NOC2L: variants seen among roughly 807,000 people sequenced by gnomAD.
The protein encoded by NOC2L is nucleolar complex protein 2 homolog.
A neutral mutation model predicts 94.2 loss-of-function variants in NOC2L; 101 were observed. The observed-to-expected ratio is 1.07, with a 90% CI of 0.91 to 1.26. The LOEUF is 1.26. Ranked by LOEUF, NOC2L falls within the 50% of genes most tolerant of loss-of-function variation. The pLI is 0.00. For synonymous variants in NOC2L, 531 were observed against 413.4 expected (o/e 1.28, Z -3.45); for missense variants, 1,076 against 980.1 (o/e 1.10, Z -1.31).
chr1:944,843 G>T, intron 18 of NOC2L, 43 bp from the exon 19 acceptor site: 1 of 1,412,530 alleles, frequency 7.1e-7, no homozygotes, highest in South Asian at 1.2e-5. Context: ...GCTTTATCAG[G>T]AAGAAGCCAG....
At position 956,024 on chromosome 1, in the gene NOC2L, A is replaced by AT. The variant is rs1392772464; in HGVS notation, c.608-12_608-11insA. Reference sequence around the variant, plus strand: ...CCAGAGCATTGAATGCTGCAACGAAAAGGCCTGGATGTACTCACGGGACAG... The same window carrying AT: ...CCAGAGCATTGAATGCTGCAACGAAATAGGCCTGGATGTACTCACGGGACAG... On this transcript the variant is annotated splice_polypyrimidine_tract_variant and intron_variant, in intron 5 of 18. Transcript: ENST00000327044. 1 of 1,614,024 alleles carries AT rather than the reference A, an allele frequency of 6.2e-7. No individual in the cohort carries two copies. The highest frequency in any genetic ancestry group is 8.5e-7 in the Non-Finnish European group (1 of 1,180,002).
intron 8 of NOC2L, 37 bp downstream of exon 8, chr1:953,745 C>T (rs756716567): frequency 3.3e-6 from 5 of 1,502,844 alleles, no homozygotes; most frequent in Admixed American, 3.4e-5. Context: ...GCCCCCCGAC[C>T]CCATGACAGA....
chr1:955,449 T>C (rs1326006674), intron 6 of NOC2L, among the ~76,000 whole-genome samples: 2 of 152,194 alleles, frequency 1.3e-5, no homozygotes, highest in Admixed American at 6.5e-5. Context: ...TCTGAAAACC[T>C]TCCACGGCCT....
At chr1:955,814 G>C in intron 6 of NOC2L, 109 bp downstream of exon 6, 1 of 951,602 alleles carries the variant, frequency 1.1e-6, no homozygotes, top group Non-Finnish European at 1.6e-6. Flanking sequence ...CCAAGAAGAC[G>C]CTGGCTCTGT....
intron 12 of NOC2L, among the ~76,000 whole-genome samples, chr1:950,310 C>A (rs1158518211): frequency 6.6e-6 from 1 of 151,756 alleles, no homozygotes; most frequent in African/African-American, 2.4e-5. Flanking sequence ...TACATAGATG[C>A]ACGCAGACAC....
intron 16 of NOC2L, 116 bp from the exon 17 acceptor site, chr1:945,769 C>G (rs572451088): frequency 7.9e-7 from 1 of 1,271,832 alleles, no homozygotes; most frequent in African/African-American, 1.5e-5. Context: ...TTTCTAGTCC[C>G]CTCTGTTCCC....
rs746155010 is a variant in NOC2L at position 945,639 on chromosome 1, G to A, written c.1932C>T (p.Asn644=). 28 of 1,614,072 alleles carry A rather than the reference G, an allele frequency of 1.7e-5. No individual in the cohort carries two copies. Among genetic ancestry groups the A allele is most frequent in the Non-Finnish European group, 2.0e-5 (24 of 1,180,028 alleles). The change falls in exon 17 of 19, where the codon AAC becomes AAT. Residue 644 remains asparagine, a synonymous_variant. Transcript: ENST00000327044. Reference sequence around the variant, plus strand: ...TCTTCCTTCGTTTGATCTCAGGGAAGTTCAGGTCTTCCAGCTGGAAGGCCA... The same window carrying A: ...TCTTCCTTCGTTTGATCTCAGGGAAATTCAGGTCTTCCAGCTGGAAGGCCA... ...ISGKERLEDL[N]FPEIKRRKMA...
At chr1:956,249 A>T (rs746297928) in intron 4 of NOC2L, 34 bp from the exon 5 acceptor site, 1 of 1,608,518 alleles carries the variant, frequency 6.2e-7, no homozygotes, top group East Asian at 2.2e-5. Context: ...GCGTCAGGGG[A>T]GCTGAGACTG....
intron 17 of NOC2L, 43 bp from the exon 18 acceptor site, chr1:945,189 G>A (rs111958972): frequency 3.9e-6 from 6 of 1,552,334 alleles, no homozygotes; most frequent in African/African-American, 2.7e-5. Context: ...CCACCCACAG[G>A]GTCCACCAGC....
intron 12 of NOC2L, among the ~76,000 whole-genome samples, chr1:950,209 C>T (rs1436315489): frequency 6.6e-6 from 1 of 151,820 alleles, no homozygotes; most frequent in Non-Finnish European, 1.5e-5. Flanking sequence ...GGTACACGCA[C>T]AGGTACACAC....
At chr1:954,121 C>T (rs762899535) in intron 6 of NOC2L, 39 bp from the exon 7 acceptor site, 17 of 1,596,764 alleles carry the variant, frequency 1.1e-5, no homozygotes, top group East Asian at 9.0e-5. Context: ...GGAGGCCCCA[C>T]GGCTCGGACG....
chr1:958,742 GA>G (rs1398074273), intron 2 of NOC2L, 186 bp downstream of exon 2: 16 of 722,032 alleles, frequency 2.2e-5, no homozygotes, highest in African/African-American at 5.2e-5. Flanking sequence ...CCCTGCCTAG[GA>G]CAGAGTTTGG....
chr1:951,063 G>A lies in NOC2L; in HGVS notation c.1443+64C>T. 3.1e-6 allele frequency: 4 copies of A among 1,285,734 alleles called. No homozygotes were observed. In the South Asian group the frequency reaches 5.1e-5, roughly 16 times the overall value. 79.6% of individuals were successfully genotyped at this position (1,285,734 alleles called of 1,614,324 possible). On this transcript the variant is annotated intron_variant, in intron 12 of 18. Transcript: ENST00000327044. The stretch of plus-strand genomic sequence containing the variant: ...CCGGACAACTCAGCACAGACGCCCG[G>A]AGCAGCAGATGCTCCCTACAGGAGC...
chr1:953,074 G>T, intron 9 of NOC2L, 101 bp downstream of exon 9: 1 of 757,516 alleles, frequency 1.3e-6, no homozygotes. Flanking sequence ...TGCAGTGAGG[G>T]TCCAGTGAGG....
intron 14 of NOC2L, among the ~76,000 whole-genome samples, chr1:947,909 G>C (rs926738962): frequency 1.3e-5 from 2 of 152,218 alleles, no homozygotes; most frequent in Non-Finnish European, 2.9e-5. Flanking sequence ...GTGCTCCCAG[G>C]GTCCTCAGCC....
At position 958,928 on chromosome 1, in the gene NOC2L, C is replaced by A; in HGVS notation, c.179+1G>T. 9 of 1,612,782 alleles carry A rather than the reference C, an allele frequency of 5.6e-6. No homozygotes were observed. The highest frequency in any genetic ancestry group is 2.7e-5 in the African/African-American group (2 of 75,072). On this transcript the variant is annotated splice_donor_variant, in intron 2 of 18. Transcript: ENST00000327044. LOFTEE classifies it high-confidence loss of function. ...TTCTGCTCACGCATGTCCCCACTAA[C>A]CTGGCCGAGGGGCTCCCGCCCGGCT...
chr1:952,263 T>A (rs544742201), intron 10 of NOC2L, 124 bp from the exon 11 acceptor site: 1 of 1,385,500 alleles, frequency 7.2e-7, no homozygotes, highest in East Asian at 2.4e-5. Context: ...CCATCCACCC[T>A]TCCCCCACCT....
In NOC2L at chr1:952,034, A is replaced by C. The variant is rs1473540895; in HGVS notation, c.1297T>G (p.Tyr433Asp). The change falls in exon 11 of 19, where the codon TAC becomes GAC. Residue 433 changes from tyrosine (Y) to aspartate (D), a missense_variant. By Grantham distance (160) the Tyr-to-Asp change is radical. Coordinates refer to ENST00000327044, the MANE Select transcript of NOC2L (RefSeq NM_015658.4). ...GPSEALQPLV[Y>D]PLAQVIIGCI... ...CCAATGATGACTTGGGCAAGGGGGT[A>C]GACCAAGGGCTGGAGGGCTTCGCTG... 2 of 1,613,354 alleles carry C rather than the reference A, an allele frequency of 1.2e-6. No homozygotes were observed. Among genetic ancestry groups the C allele is most frequent in the Non-Finnish European group, 1.7e-6 (2 of 1,179,798 alleles).
chr1:958,810 TG>T (rs1219790470), intron 2 of NOC2L, 118 bp downstream of exon 2: 7 of 989,144 alleles, frequency 7.1e-6, no homozygotes, highest in Non-Finnish European at 9.6e-6. Context: ...CTGAAAGGAC[TG>T]GGGGGCAGAG....
Sources: gnomAD v4.1 joint callset for allele counts (sites outside exome capture counted in the v4.1 genomes callset) on GRCh38, gnomAD v4.1.1 for gene constraint, MANE v1.5 for transcripts, NCBI Gene and HGNC (gene_info 2026-07-23, HGNC 2026-07-21) for gene names.